Variants in B4GALT5 observed in about 807,000 individuals in gnomAD.
The protein encoded by B4GALT5 is UDP-Gal:beta-GlcNAc beta-1,4-galactosyltransferase 5.
A neutral mutation model predicts 45.0 loss-of-function variants in B4GALT5; 11 were observed. The ratio of observed to expected loss-of-function variants is 0.24; its 90% CI spans 0.15 to 0.40. The LOEUF (loss-of-function observed/expected upper bound fraction) is 0.40, where lower values mean the gene tolerates loss of function less well. Ranked by LOEUF, B4GALT5 falls within the 10% of genes least tolerant of loss-of-function variation. The pLI is 1.00. For synonymous variants in B4GALT5, 185 were observed against 182.9 expected, an observed-to-expected ratio of 1.01 and a Z score of -0.09; for missense variants, 337 against 500.2, an observed-to-expected ratio of 0.67 and a Z score of 3.11.
intron 1 of B4GALT5, among the ~76,000 whole-genome samples, chr20:49,710,335 T>C (rs547074482): frequency 6.6e-6 from 1 of 152,264 alleles, no homozygotes; most frequent in East Asian, 1.9e-4. Flanking sequence ...GATATACAAC[T>C]GTTTTTGACC....
At position 49,699,003 on chromosome 20, in the gene B4GALT5, G is replaced by C. The variant is rs6019979; in HGVS notation, c.115+14573C>G. On this transcript the variant is annotated intron_variant, in intron 1 of 8. Transcript: ENST00000371711. Reference sequence around the variant, plus strand: ...GCCTAAGCAAAAACCACCTATCAAAGCAAAGACTGGCAAGCAGATTCAAGA... The same window carrying C: ...GCCTAAGCAAAAACCACCTATCAAACCAAAGACTGGCAAGCAGATTCAAGA... 2.8e-3 allele frequency among the ~76,000 whole-genome samples: 425 copies of C among 152,046 alleles called. 4 individuals are homozygous for C. The highest frequency in any genetic ancestry group is 9.7e-3 in the African/African-American group (402 of 41,484).
intron 3 of B4GALT5, among the ~76,000 whole-genome samples, chr20:49,646,171 A>G (rs1239869726): frequency 6.6e-6 from 1 of 152,186 alleles, no homozygotes; most frequent in Non-Finnish European, 1.5e-5. Flanking sequence ...CAAGTTCACA[A>G]GTTTAGAAAG....
chr20:49,649,395 A>G (rs535530734), intron 2 of B4GALT5, among the ~76,000 whole-genome samples: 5 of 152,274 alleles, frequency 3.3e-5, no homozygotes, highest in African/African-American at 9.6e-5. Context: ...CCCAGGAAAC[A>G]TGCTGAGAAC....
chr20:49,677,832 G>C (rs181320083), intron 1 of B4GALT5, among the ~76,000 whole-genome samples: 6 of 152,248 alleles, frequency 3.9e-5, no homozygotes, highest in Admixed American at 2.0e-4. Flanking sequence ...TGCCATCTCC[G>C]CCTCCCAAGT....
chr20:49,668,092 T>C (rs1344483648), intron 1 of B4GALT5, among the ~76,000 whole-genome samples: 1 of 151,944 alleles, frequency 6.6e-6, no homozygotes, highest in Non-Finnish European at 1.5e-5. Flanking sequence ...ACAAAGTAAA[T>C]AATACAAAAA....
At chr20:49,684,707 G>A (rs753848693) in intron 1 of B4GALT5, 1 of 508,462 alleles carries the variant, frequency 2.0e-6, no homozygotes, top group Non-Finnish European at 3.9e-6. Flanking sequence ...ACATACTGAA[G>A]AGCCACGTCC....
chr20:49,661,757 T>C (rs2085665816), intron 1 of B4GALT5, among the ~76,000 whole-genome samples: 1 of 152,184 alleles, frequency 6.6e-6, no homozygotes, highest in African/African-American at 2.4e-5. Flanking sequence ...AGATGAGTAA[T>C]GTATAGACAA....
At chr20:49,636,528 G>A (rs2085554686) in intron 8 of B4GALT5, 69 bp from the exon 9 acceptor site, 12 of 1,559,788 alleles carry the variant, frequency 7.7e-6, no homozygotes, top group Non-Finnish European at 1.1e-5. Flanking sequence ...CCAGAGGATG[G>A]AGCAGGGCGT....
chr20:49,641,874 A>G (rs2085578390), intron 5 of B4GALT5, among the ~76,000 whole-genome samples: 1 of 152,178 alleles, frequency 6.6e-6, no homozygotes, highest in Admixed American at 6.5e-5. Context: ...AGGCCCGGCA[A>G]GAGAAAACCA....
chr20:49,653,365 T>C (rs929971654), intron 2 of B4GALT5, among the ~76,000 whole-genome samples: 3 of 152,232 alleles, frequency 2.0e-5, no homozygotes, highest in Non-Finnish European at 4.4e-5. Context: ...CACAAGATGG[T>C]GACCTCCTTA....
At chr20:49,656,195 C>T (rs1036860415) in intron 2 of B4GALT5, among the ~76,000 whole-genome samples, 1 of 152,148 alleles carries the variant, frequency 6.6e-6, no homozygotes, top group African/African-American at 2.4e-5. Context: ...ACATTGCTTC[C>T]TCTCACCATA....
chr20:49,704,116 G>A (rs1159156478), intron 1 of B4GALT5, among the ~76,000 whole-genome samples: 1 of 152,146 alleles, frequency 6.6e-6, no homozygotes, highest in Non-Finnish European at 1.5e-5. Context: ...CTACCAATCA[G>A]CAAATACACA....
At chr20:49,695,415 ATT>A (rs11297973) in intron 1 of B4GALT5, among the ~76,000 whole-genome samples, 128 of 142,046 alleles carry the variant, frequency 9.0e-4, no homozygotes, top group Non-Finnish European at 9.1e-4. Flanking sequence ...GTTGTGGTTT[ATT>A]TTTTTTTTTT....
chr20:49,658,238 G>A (rs771156534), intron 1 of B4GALT5, among the ~76,000 whole-genome samples: 7 of 152,164 alleles, frequency 4.6e-5, no homozygotes, highest in Admixed American at 6.5e-5. Context: ...GTATAACTGT[G>A]TGAAGTCTCT....
intron 2 of B4GALT5, among the ~76,000 whole-genome samples, chr20:49,649,513 G>A (rs895669086): frequency 4.6e-5 from 7 of 152,060 alleles, no homozygotes; most frequent in African/African-American, 1.4e-4. Flanking sequence ...CTGGGAGGTC[G>A]AGGTTCCGGT....
intron 1 of B4GALT5, among the ~76,000 whole-genome samples, chr20:49,702,623 G>C (rs1187200328): frequency 6.6e-6 from 1 of 152,146 alleles, no homozygotes; most frequent in Non-Finnish European, 1.5e-5. Context: ...GGGAGGCGGG[G>C]GTGGGAGGAT....
At chr20:49,665,704 C>T (rs913325035) in intron 1 of B4GALT5, among the ~76,000 whole-genome samples, 13 of 148,498 alleles carry the variant, frequency 8.8e-5, no homozygotes, top group Non-Finnish European at 1.5e-4. Context: ...GAAGAATAGT[C>T]ACGTTTGTTC....
chr20:49,694,418 G>A (rs1250517651), intron 1 of B4GALT5, among the ~76,000 whole-genome samples: 2 of 152,114 alleles, frequency 1.3e-5, no homozygotes, highest in Non-Finnish European at 2.9e-5. Context: ...CTGGGAGGGC[G>A]AGGTGGGAAG....
At chr20:49,653,201 G>A (rs1010383275) in intron 2 of B4GALT5, among the ~76,000 whole-genome samples, 1 of 152,120 alleles carries the variant, frequency 6.6e-6, no homozygotes, top group African/African-American at 2.4e-5. Context: ...TCCGAAATCT[G>A]CAATGCTCCA....
Sources: allele counts gnomAD v4.1 joint callset (sites outside exome capture counted in the v4.1 genomes callset), GRCh38; gene constraint gnomAD v4.1.1; transcripts MANE v1.5; gene names NCBI Gene and HGNC (gene_info 2026-07-23, HGNC 2026-07-21).